SRPK2: variants seen among roughly 807,000 people sequenced by gnomAD.
SRPK2 encodes SFRS protein kinase 2.
Under a neutral mutation model 90.8 loss-of-function variants are expected in SRPK2, and 21 were observed. The observed-to-expected ratio is 0.23, with a 90% confidence interval of 0.16 to 0.33. The LOEUF (loss-of-function observed/expected upper bound fraction) is 0.33, where lower values mean the gene tolerates loss of function less well. Among genes scored for constraint, SRPK2 ranks in the 10% least tolerant of loss-of-function variants. The pLI, the probability that SRPK2 is intolerant of heterozygous loss-of-function variation, is 1.00. For missense variants in SRPK2, 620 were observed against 869.0 expected, an observed-to-expected ratio of 0.71 and a Z score of 3.60; for synonymous variants, 288 against 311.1, an observed-to-expected ratio of 0.93 and a Z score of 0.78.
chr7:105,121,376 G>A (rs537443151), intron 15 of SRPK2, among the ~76,000 whole-genome samples: 10 of 44,990 alleles, frequency 2.2e-4, no homozygotes, highest in East Asian at 5.3e-4. Flanking sequence ...ATATGAAGAC[G>A]TAAAAAAAAA....
intron 2 of SRPK2, among the ~76,000 whole-genome samples, chr7:105,325,975 G>A (rs868439694): frequency 3.3e-5 from 5 of 152,206 alleles, no homozygotes; most frequent in South Asian, 2.1e-4. Flanking sequence ...GAGGGGCCTC[G>A]GATAGCCTTG....
intron 2 of SRPK2, among the ~76,000 whole-genome samples, chr7:105,363,348 C>T (rs1585895232): frequency 6.6e-6 from 1 of 152,056 alleles, no homozygotes; most frequent in Middle Eastern, 3.4e-3. Context: ...TCAAACAACC[C>T]CATCAAAAAG....
At position 105,328,044 on chromosome 7, in the gene SRPK2, G is replaced by A. The variant is rs143772109; in HGVS notation, c.71+60604C>T. Among the ~76,000 whole-genome samples the A allele has an allele frequency of 7.2e-5, 11 of 152,280 alleles. No homozygotes were observed. In the East Asian group the frequency reaches 1.2e-3, roughly 16 times the overall value. ...GCCCACCTTGGCCTCCCAAAGTGCT[G>A]GGATTACAGGCGTGAGCCACAATGC... On this transcript the variant is annotated intron_variant, in intron 2 of 15. Transcript: ENST00000393651.
Position 105,170,914 on chromosome 7 carries a change from AGG to A in SRPK2, c.230-1651_230-1650del, listed in dbSNP as rs1790916013. Among the ~76,000 whole-genome samples the A allele has an allele frequency of 1.1e-3, 123 of 112,052 alleles. 4 individuals are homozygous for A. Among genetic ancestry groups the A allele is most frequent in the Middle Eastern group, 4.3e-3 (1 of 230 alleles). 73.5% of individuals were successfully genotyped at this position (112,052 alleles called of 152,430 possible). On this transcript the variant is annotated intron_variant, in intron 3 of 15. Transcript: ENST00000393651. ...AAGAAAGAAAGAAAGAAAGAAAGAA[AGG>A]AGAAAGAAAAAGAAAAAGGAAAGAA...
At chr7:105,173,875 C>T (rs1791469239) in intron 3 of SRPK2, among the ~76,000 whole-genome samples, 1 of 150,128 alleles carries the variant, frequency 6.7e-6, no homozygotes, top group South Asian at 2.1e-4. Context: ...ACTATTTGTA[C>T]TATTTAATAT....
chr7:105,376,370 G>A (rs1820299186), intron 2 of SRPK2, among the ~76,000 whole-genome samples: 1 of 151,358 alleles, frequency 6.6e-6, no homozygotes, highest in Non-Finnish European at 1.5e-5. Context: ...AGAGCAAAGA[G>A]TTGTAGTCCG....
chr7:105,123,025 C>A (rs1800632973), intron 15 of SRPK2, among the ~76,000 whole-genome samples: 1 of 152,222 alleles, frequency 6.6e-6, no homozygotes, highest in Admixed American at 6.5e-5. Flanking sequence ...GTTTTTCCTA[C>A]CATGATCTGA....
chr7:105,343,833 G>T (rs1298376960), intron 2 of SRPK2, among the ~76,000 whole-genome samples: 1 of 151,956 alleles, frequency 6.6e-6, no homozygotes, highest in Non-Finnish European at 1.5e-5. Context: ...TGCCATCTTG[G>T]CTCACTGAAA....
chr7:105,181,671 A>AACACAAAG (rs1792828729), intron 3 of SRPK2, among the ~76,000 whole-genome samples: 1 of 152,202 alleles, frequency 6.6e-6, no homozygotes, highest in African/African-American at 2.4e-5. Context: ...AAACAATGAG[A>AACACAAAG]ACACAAAGAC....
intron 2 of SRPK2, among the ~76,000 whole-genome samples, chr7:105,293,761 C>A (rs895883689): frequency 9.9e-5 from 15 of 152,126 alleles, no homozygotes; most frequent in Non-Finnish European, 1.9e-4. Flanking sequence ...TGAAACCCTG[C>A]AAGATAAGAT....
chr7:105,179,211 G>A (rs1792407907), intron 3 of SRPK2, among the ~76,000 whole-genome samples: 2 of 152,172 alleles, frequency 1.3e-5, no homozygotes, highest in Non-Finnish European at 2.9e-5. Flanking sequence ...ATTCAGGGAT[G>A]TCGATTTGAA....
chr7:105,146,765 A>G (rs1804680938), intron 7 of SRPK2, 107 bp from the exon 8 acceptor site: 6 of 1,198,028 alleles, frequency 5.0e-6, no homozygotes, highest in Non-Finnish European at 5.9e-6. Context: ...AAAGTTTGAT[A>G]AACACAAAAG....
At chr7:105,143,521 A>T in intron 9 of SRPK2, 191 bp from the exon 10 acceptor site, 1 of 685,944 alleles carries the variant, frequency 1.5e-6, no homozygotes, top group African/African-American at 1.8e-5. Context: ...GTGCTGACTG[A>T]TATCACGTAC....
chr7:105,205,700 AAG>A (rs937381421), intron 2 of SRPK2, among the ~76,000 whole-genome samples: 29 of 152,140 alleles, frequency 1.9e-4, no homozygotes, highest in African/African-American at 6.8e-4. Context: ...TCCCAGGCAA[AAG>A]AGAGTTCTGA....
At chr7:105,291,229 T>C (rs1808972925) in intron 2 of SRPK2, among the ~76,000 whole-genome samples, 1 of 152,166 alleles carries the variant, frequency 6.6e-6, no homozygotes, top group African/African-American at 2.4e-5. Flanking sequence ...CCCAGAGCAC[T>C]TTCTGGGCCA....
intron 2 of SRPK2, among the ~76,000 whole-genome samples, chr7:105,284,759 T>A (rs7802168): frequency 0.44 from 66,124 of 151,972 alleles, 15,707 homozygotes; most frequent in South Asian, 0.54. Context: ...TATCTTTCAC[T>A]GCAGCAAGTA....
intron 2 of SRPK2, chr7:105,301,512 C>A: frequency 7.3e-7 from 1 of 1,375,330 alleles, no homozygotes; most frequent in Non-Finnish European, 1.0e-6. Context: ...GCCCCGCAAC[C>A]GGTGTGACGA....
intron 3 of SRPK2, among the ~76,000 whole-genome samples, chr7:105,187,263 A>G (rs1474761572): frequency 6.6e-6 from 1 of 152,106 alleles, no homozygotes; most frequent in Non-Finnish European, 1.5e-5. Context: ...TCCAAAAATC[A>G]CTCATTTAAT....
intron 2 of SRPK2, among the ~76,000 whole-genome samples, chr7:105,233,091 A>AGAAAGAAGGAAG (rs1213029003): frequency 1.1e-5 from 1 of 91,846 alleles, no homozygotes; most frequent in African/African-American, 4.3e-5. Flanking sequence ...AAGGAAGGAA[A>AGAAAGAAGGAAG]GAAGGAAGGA....
Sources: allele counts gnomAD v4.1 joint callset (sites outside exome capture counted in the v4.1 genomes callset), GRCh38; gene constraint gnomAD v4.1.1; transcripts MANE v1.5; gene names NCBI Gene and HGNC (gene_info 2026-07-23, HGNC 2026-07-21).